Variants in PDE4B observed in about 807,000 individuals in gnomAD.
PDE4B encodes 3',5'-cyclic-AMP phosphodiesterase 4B.
A neutral mutation model predicts 82.2 loss-of-function variants in PDE4B; 20 were observed. That is an observed-to-expected ratio of 0.24 (90% CI 0.17 to 0.35). PDE4B has a LOEUF of 0.35. Among genes scored for constraint, PDE4B ranks in the 10% least tolerant of loss-of-function variants. The pLI, the probability that PDE4B is intolerant of heterozygous loss-of-function variation, is 1.00. For synonymous variants in PDE4B, 320 were observed against 318.9 expected (o/e 1.00, Z -0.04); for missense variants, 655 against 907.2 (o/e 0.72, Z 3.57).
intron 1 of PDE4B, among the ~76,000 whole-genome samples, chr1:65,894,213 G>T (rs1646884266): frequency 6.6e-6 from 1 of 151,974 alleles, no homozygotes; most frequent in African/African-American, 2.4e-5. Flanking sequence ...TATTCTATTG[G>T]CATAAGGATA....
At chr1:66,175,797 A>C (rs1425685622) in intron 3 of PDE4B, among the ~76,000 whole-genome samples, 1 of 152,226 alleles carries the variant, frequency 6.6e-6, no homozygotes, top group African/African-American at 2.4e-5. Flanking sequence ...CACACTTAAA[A>C]GTCAGTCTTG....
chr1:66,103,821 A>C (rs910833646), intron 3 of PDE4B, among the ~76,000 whole-genome samples: 7 of 152,062 alleles, frequency 4.6e-5, no homozygotes, highest in African/African-American at 1.7e-4. Flanking sequence ...ATACTGAATC[A>C]TATGCTCCAT....
chr1:66,342,256 A>G (rs986870873), intron 8 of PDE4B, among the ~76,000 whole-genome samples: 1 of 152,202 alleles, frequency 6.6e-6, no homozygotes, highest in African/African-American at 2.4e-5. Flanking sequence ...TTTTTTCTCC[A>G]TAATTTCTAA....
intron 3 of PDE4B, among the ~76,000 whole-genome samples, chr1:65,993,444 GT>G (rs1243692158): frequency 6.6e-6 from 1 of 152,116 alleles, no homozygotes; most frequent in African/African-American, 2.4e-5. Flanking sequence ...TTTAAAGTCA[GT>G]TTTTTGTTTC....
At chr1:66,262,941 T>A (rs957116165) in intron 6 of PDE4B, among the ~76,000 whole-genome samples, 4 of 152,224 alleles carry the variant, frequency 2.6e-5, no homozygotes, top group Non-Finnish European at 4.4e-5. Context: ...AAAGTAGAGA[T>A]TTCTGACATT....
intron 1 of PDE4B, among the ~76,000 whole-genome samples, chr1:65,911,349 AC>A (rs1647088657): frequency 6.6e-6 from 1 of 152,164 alleles, no homozygotes; most frequent in African/African-American, 2.4e-5. Context: ...ACCTTCTATA[AC>A]CCTTATTCCA....
chr1:66,368,852 G>T lies in PDE4B; in HGVS notation c.1728G>T (p.Arg576=). Residue 576 remains arginine (R), a synonymous_variant, in exon 16 of 17, where the codon CGG becomes CGT. Transcript: ENST00000341517. ...CCACCAAGTCCTTGGAATTGTATCG[G>T]CAATGGACAGACCGCATCATGGAGG... ...SNPTKSLELY[R]QWTDRIMEEF... The T allele has an allele frequency of 1.9e-6, 3 of 1,613,378 alleles. No homozygotes were observed. Among genetic ancestry groups the T allele is most frequent in the Admixed American group, 1.7e-5 (1 of 59,932 alleles).
intron 7 of PDE4B, among the ~76,000 whole-genome samples, chr1:66,312,227 A>G (rs1180169273): frequency 6.6e-6 from 1 of 152,174 alleles, no homozygotes; most frequent in Non-Finnish European, 1.5e-5. Flanking sequence ...GTTTCTCCAG[A>G]ATGTTTAGAA....
intron 3 of PDE4B, among the ~76,000 whole-genome samples, chr1:65,975,867 T>C (rs1650379758): frequency 6.6e-6 from 1 of 152,186 alleles, no homozygotes; most frequent in Non-Finnish European, 1.5e-5. Flanking sequence ...TCAGAGGATG[T>C]ATGAAAACAT....
chr1:66,007,774 A>G (rs1246172523), intron 3 of PDE4B, among the ~76,000 whole-genome samples: 1 of 152,230 alleles, frequency 6.6e-6, no homozygotes, highest in African/African-American at 2.4e-5. Flanking sequence ...AAATTAGGCA[A>G]TGATAGAACA....
At chr1:66,110,532 A>G (rs1281071115) in intron 3 of PDE4B, among the ~76,000 whole-genome samples, 2 of 152,094 alleles carry the variant, frequency 1.3e-5, no homozygotes, top group African/African-American at 2.4e-5. Context: ...AGTAAATACC[A>G]AATACATGGT....
At chr1:66,166,364 T>G (rs571178247) in intron 3 of PDE4B, among the ~76,000 whole-genome samples, 1 of 152,296 alleles carries the variant, frequency 6.6e-6, no homozygotes, top group Non-Finnish European at 1.5e-5. Context: ...ACCAATTACA[T>G]AAATGACAAA....
chr1:66,358,315 A>T (rs968095819), intron 9 of PDE4B, among the ~76,000 whole-genome samples: 1 of 152,206 alleles, frequency 6.6e-6, no homozygotes, highest in African/African-American at 2.4e-5. Flanking sequence ...AGGACTCTTA[A>T]CTGATACATA....
intron 9 of PDE4B, 140 bp from the exon 10 acceptor site, chr1:66,361,475 A>G: frequency 1.6e-6 from 1 of 607,714 alleles, no homozygotes; most frequent in Non-Finnish European, 2.9e-6. Flanking sequence ...GAACTGCCCT[A>G]GAGATACAGT....
chr1:66,237,474 C>T (rs1652547589), intron 3 of PDE4B, among the ~76,000 whole-genome samples: 1 of 152,150 alleles, frequency 6.6e-6, no homozygotes, highest in African/African-American at 2.4e-5. Flanking sequence ...TGCTGTTTCA[C>T]AAACCTGGAA....
At chr1:66,342,844 G>A (rs1465678100) in intron 8 of PDE4B, among the ~76,000 whole-genome samples, 1 of 152,174 alleles carries the variant, frequency 6.6e-6, no homozygotes, top group Non-Finnish European at 1.5e-5. Flanking sequence ...AGGAGTTCAA[G>A]ATCAGCCTGG....
At chr1:66,141,909 C>T (rs1221073596) in intron 3 of PDE4B, among the ~76,000 whole-genome samples, 3 of 152,102 alleles carry the variant, frequency 2.0e-5, no homozygotes, top group African/African-American at 2.4e-5. Context: ...GCTGAACCCT[C>T]GCACAGTTCC....
At chr1:66,104,810 T>G (rs201140703) in intron 3 of PDE4B, among the ~76,000 whole-genome samples, 60,104 of 144,828 alleles carry the variant, frequency 0.42, 12,691 homozygotes, top group Non-Finnish European at 0.48. Context: ...TGTACATTTG[T>G]TTGAGTTCAT....
chr1:65,875,519 T>C lies in PDE4B; in HGVS notation c.-70-37726T>C, dbSNP rs548679470. ...ATGCACACATATGTTTATTGCGGCA[T>C]TATTCACAATAGCAAAGACTTGGAA... On this transcript the variant is annotated intron_variant, in intron 1 of 16. Transcript: ENST00000341517. 1.3e-4 allele frequency among the ~76,000 whole-genome samples: 18 copies of C among 143,694 alleles called. 1 individual carries two copies. The East Asian group carries it at 2.5e-3, about 20-fold the overall frequency. 94.3% of individuals were successfully genotyped at this position (143,694 alleles called of 152,430 possible).
Sources: gnomAD v4.1 joint callset for allele counts (sites outside exome capture counted in the v4.1 genomes callset) on GRCh38, gnomAD v4.1.1 for gene constraint, MANE v1.5 for transcripts, NCBI Gene and HGNC (gene_info 2026-07-23, HGNC 2026-07-21) for gene names.